Variants in FHIT observed in about 807,000 individuals in gnomAD.
The protein encoded by FHIT is bis(5'-adenosyl)-triphosphatase.
Under a neutral mutation model 17.9 loss-of-function variants are expected in FHIT, and 19 were observed. The ratio of observed to expected loss-of-function variants is 1.06; its 90% CI spans 0.74 to 1.56. The LOEUF is 1.56. Ranked by LOEUF, FHIT falls within the 40% of genes most tolerant of loss-of-function variation. The pLI is 0.00. For synonymous variants in FHIT, 81 were observed against 69.7 expected, an observed-to-expected ratio of 1.16 and a Z score of -0.81; for missense variants, 248 against 189.2, an observed-to-expected ratio of 1.31 and a Z score of -1.82.
intron 5 of FHIT, among the ~76,000 whole-genome samples, chr3:60,027,239 G>GA (rs34436887): frequency 0.16 from 23,376 of 150,792 alleles, 1,913 homozygotes; most frequent in East Asian, 0.28. Context: ...GTATATAACT[G>GA]AAAAAAAATA....
chr3:60,506,873 A>T (rs560923424), intron 5 of FHIT, among the ~76,000 whole-genome samples: 1 of 152,300 alleles, frequency 6.6e-6, no homozygotes, highest in African/African-American at 2.4e-5. Context: ...AACTACCAAG[A>T]TTCCAGGTTG....
chr3:60,837,368 C>T (rs1553744035), intron 3 of FHIT, among the ~76,000 whole-genome samples: 2 of 152,098 alleles, frequency 1.3e-5, no homozygotes, highest in South Asian at 2.1e-4. Flanking sequence ...TTTCTCTTTT[C>T]TTTGTCAGTC....
chr3:60,588,675 G>T (rs1255359033), intron 4 of FHIT, among the ~76,000 whole-genome samples: 1 of 151,956 alleles, frequency 6.6e-6, no homozygotes, highest in African/African-American at 2.4e-5. Context: ...TTGAGACAGG[G>T]TCTTGCTCTG....
intron 8 of FHIT, among the ~76,000 whole-genome samples, chr3:59,779,930 C>T (rs919655664): frequency 1.3e-5 from 2 of 152,166 alleles, no homozygotes; most frequent in African/African-American, 4.8e-5. Context: ...AGGTAACATC[C>T]ATCTCTTTGG....
At chr3:61,030,595 C>T (rs898922154) in intron 3 of FHIT, among the ~76,000 whole-genome samples, 1 of 152,136 alleles carries the variant, frequency 6.6e-6, no homozygotes, top group Non-Finnish European at 1.5e-5. Flanking sequence ...TTTGTACTCA[C>T]AAAGTTTAGA....
chr3:60,072,101 G>T (rs1702800401), intron 5 of FHIT, among the ~76,000 whole-genome samples: 2 of 152,204 alleles, frequency 1.3e-5, no homozygotes, highest in African/African-American at 4.8e-5. Flanking sequence ...AGGACATGAG[G>T]TAGGAAGGAA....
At chr3:60,048,182 G>T (rs212054) in intron 5 of FHIT, among the ~76,000 whole-genome samples, 104,494 of 151,890 alleles carry the variant, frequency 0.69, 36,919 homozygotes, top group Middle Eastern at 0.83. Flanking sequence ...CTCTTTCTTT[G>T]TTTTCTTCTT....
intron 5 of FHIT, among the ~76,000 whole-genome samples, chr3:60,063,636 G>T (rs189381782): frequency 4.9e-4 from 75 of 152,310 alleles, no homozygotes; most frequent in African/African-American, 1.8e-3. Flanking sequence ...TCTGGTTGTT[G>T]AGAGAGAACA....
At chr3:60,816,275 T>C (rs1204561279) in intron 4 of FHIT, among the ~76,000 whole-genome samples, 2 of 152,118 alleles carry the variant, frequency 1.3e-5, no homozygotes, top group Non-Finnish European at 2.9e-5. Flanking sequence ...TCCAGTACTA[T>C]GTTGAATAGG....
intron 3 of FHIT, among the ~76,000 whole-genome samples, chr3:60,928,320 T>TAAA (rs112223579): frequency 2.9e-5 from 2 of 69,144 alleles, no homozygotes; most frequent in Non-Finnish European, 6.2e-5. Flanking sequence ...CTAAAAAAAT[T>TAAA]AAAAAAAAAA....
intron 2 of FHIT, among the ~76,000 whole-genome samples, chr3:61,178,262 A>G (rs1157300485): frequency 6.6e-6 from 1 of 151,970 alleles, no homozygotes; most frequent in Non-Finnish European, 1.5e-5. Flanking sequence ...CCTTGATGAG[A>G]GGTGCTACTC....
At chr3:61,021,103 T>A (rs1204748278) in intron 3 of FHIT, among the ~76,000 whole-genome samples, 1 of 152,122 alleles carries the variant, frequency 6.6e-6, no homozygotes, top group Non-Finnish European at 1.5e-5. Context: ...AACACCCCAC[T>A]GTCAATATTA....
intron 3 of FHIT, among the ~76,000 whole-genome samples, chr3:60,859,399 G>A (rs1553750771): frequency 6.6e-6 from 1 of 152,124 alleles, no homozygotes; most frequent in Non-Finnish European, 1.5e-5. Context: ...GAGATTATTA[G>A]TATTCACCCA....
At chr3:60,017,284 T>G (rs1349323567) in intron 5 of FHIT, among the ~76,000 whole-genome samples, 4 of 152,124 alleles carry the variant, frequency 2.6e-5, no homozygotes, top group South Asian at 2.1e-4. Flanking sequence ...AATCCCACAA[T>G]GAAAGGAGGC....
intron 5 of FHIT, among the ~76,000 whole-genome samples, chr3:60,465,381 G>A (rs1344623338): frequency 6.6e-6 from 1 of 152,004 alleles, no homozygotes; most frequent in Non-Finnish European, 1.5e-5. Context: ...CTATGCAGAA[G>A]CTTTTTAACT....
intron 5 of FHIT, among the ~76,000 whole-genome samples, chr3:60,442,866 T>C (rs527388354): frequency 0.028 from 4,296 of 152,220 alleles, 199 homozygotes; most frequent in African/African-American, 0.097. Context: ...CCTTGGGCAG[T>C]ATGGCCATTT....
intron 2 of FHIT, among the ~76,000 whole-genome samples, chr3:61,071,111 A>G (rs756772458): frequency 8.5e-5 from 13 of 152,236 alleles, no homozygotes; most frequent in Non-Finnish European, 1.8e-4. Context: ...CAATTAATAC[A>G]AGAAGCATAA....
At chr3:60,492,453 T>C (rs17063320) in intron 5 of FHIT, among the ~76,000 whole-genome samples, 5 of 152,066 alleles carry the variant, frequency 3.3e-5, no homozygotes, top group Admixed American at 6.5e-5. Context: ...GTGCAAGAAT[T>C]GGCTTCATAA....
chr3:60,709,386 T>A (rs2041458083), intron 4 of FHIT, among the ~76,000 whole-genome samples: 1 of 152,102 alleles, frequency 6.6e-6, no homozygotes, highest in South Asian at 2.1e-4. Flanking sequence ...AGAAGGAATA[T>A]TTTAATAGCC....
Sources: gnomAD v4.1 joint callset for allele counts (sites outside exome capture counted in the v4.1 genomes callset) on GRCh38, gnomAD v4.1.1 for gene constraint, MANE v1.5 for transcripts, NCBI Gene and HGNC (gene_info 2026-07-23, HGNC 2026-07-21) for gene names.